Variants in LAMA3 observed in about 807,000 individuals in gnomAD.
LAMA3 encodes laminin subunit alpha 3, also known as laminin subunit alpha-3.
A neutral mutation model predicts 402.0 loss-of-function variants in LAMA3; 281 were observed. The ratio of observed to expected loss-of-function variants is 0.70; its 90% CI spans 0.63 to 0.77. The LOEUF (loss-of-function observed/expected upper bound fraction) is 0.77. LAMA3 is among the 30% of genes least tolerant of loss of function. LAMA3 has a pLI of 0.00. For missense variants in LAMA3, 3,840 were observed against 4,215.5 expected (o/e 0.91, Z 2.47); for synonymous variants, 1,431 against 1,558.4 (o/e 0.92, Z 1.93).
rs765582181 is a variant in LAMA3 at position 23,887,533 on chromosome 18, TA to T, written c.5304-2477del. On this transcript the variant is annotated intron_variant, in intron 41 of 74. Coordinates refer to ENST00000313654, the MANE Select transcript of LAMA3 (RefSeq NM_198129.4). ...CTGATGTCTCAAGAAAACAAGCTAT[TA>T]TTTCTTTAAAAAATTTTTTGAAGCT... Among the ~76,000 whole-genome samples the T allele has an allele frequency of 1.3e-3, 201 of 152,232 alleles. 5 individuals are homozygous for T. The highest frequency in any genetic ancestry group is 3.7e-4 in the Non-Finnish European group (25 of 68,040).
At chr18:23,927,409 T>A (rs570343345) in intron 62 of LAMA3, among the ~76,000 whole-genome samples, 2 of 152,266 alleles carry the variant, frequency 1.3e-5, no homozygotes, top group African/African-American at 4.8e-5. Flanking sequence ...CCTCAAGTGA[T>A]CCACCTGACT....
chr18:23,799,734 G>A (rs750538870), intron 12 of LAMA3, among the ~76,000 whole-genome samples: 2 of 151,460 alleles, frequency 1.3e-5, no homozygotes, highest in African/African-American at 2.5e-5. Context: ...GTGTGTGTAC[G>A]TATGGAGAGA....
intron 2 of LAMA3, among the ~76,000 whole-genome samples, chr18:23,745,145 T>C (rs1300823433): frequency 2.0e-5 from 3 of 151,994 alleles, no homozygotes; most frequent in Non-Finnish European, 2.9e-5. Flanking sequence ...TATTATGATG[T>C]CTGTAACTTC....
At chr18:23,697,012 G>T (rs921718024) in intron 1 of LAMA3, among the ~76,000 whole-genome samples, 6 of 152,196 alleles carry the variant, frequency 3.9e-5, no homozygotes, top group Non-Finnish European at 8.8e-5. Context: ...AGAACTGCCT[G>T]ACTAAATATG....
At chr18:23,815,599 C>A in intron 17 of LAMA3, 26 bp downstream of exon 17, 1 of 1,437,154 alleles carries the variant, frequency 7.0e-7, no homozygotes, top group Non-Finnish European at 9.8e-7. Flanking sequence ...GGGCCCTGAG[C>A]AAAGCACAGT....
rs954448746 is a variant in LAMA3 at position 23,946,162 on chromosome 18, G to A, written c.9229G>A (p.Gly3077Arg). The A allele has an allele frequency of 1.2e-6, 2 of 1,613,842 alleles. No homozygotes were observed. Among genetic ancestry groups the A allele is most frequent in the Non-Finnish European group, 1.7e-6 (2 of 1,179,888 alleles). Residue 3077 changes from glycine (G) to arginine (R), a missense_variant, in exon 70 of 75, where the codon GGG becomes AGG. By Grantham distance (125) the Gly-to-Arg change is moderately radical. This residue lies in a region of LAMA3 where 840 missense variants were observed against 981.9 expected (regional missense o/e 0.86). Coordinates refer to ENST00000313654, the MANE Select transcript of LAMA3 (RefSeq NM_198129.4). ...KWHTVVFGHDGEKGRLVVDGL... is the reference protein window; with the variant it reads ...KWHTVVFGHDREKGRLVVDGL... ...TCTGAAGGTGGTGTTTGGCCATGAT[G>A]GGGAAAAGGGGCGCTTGGTTGTGGA... is the stretch of plus-strand genomic sequence containing the variant.
intron 37 of LAMA3, among the ~76,000 whole-genome samples, chr18:23,871,203 C>T (rs1341081953): frequency 6.6e-6 from 1 of 152,122 alleles, no homozygotes; most frequent in Non-Finnish European, 1.5e-5. Context: ...ATTTTATTGC[C>T]CCTTATTCCC....
Position 23,882,060 on chromosome 18 carries a change from T to A in LAMA3, c.5222+15T>A, listed in dbSNP as rs781033532. 5.1e-6 allele frequency: 8 copies of A among 1,581,258 alleles called. No homozygotes were observed. In the South Asian group the frequency reaches 7.8e-5, roughly 15 times the overall value. On this transcript the variant is annotated intron_variant, in intron 40 of 74. Transcript: ENST00000313654. ...CACACTAACAGGTACCGTAGCAGCT[T>A]GACATAACCTACAGGGACCCAAAGT... is the stretch of plus-strand genomic sequence containing the variant.
Position 23,767,520 on chromosome 18 carries a change from A to T in LAMA3, c.1182+3997A>T, listed in dbSNP as rs190087498. ...CACACCTACAGCCATCTGATCTTCAACAAAGTTAACAAAAATAAGCAATGA... is the reference window on the plus strand; with the variant it reads ...CACACCTACAGCCATCTGATCTTCATCAAAGTTAACAAAAATAAGCAATGA... On this transcript the variant is annotated intron_variant, in intron 8 of 74. Transcript: ENST00000313654. Among the ~76,000 whole-genome samples the T allele has an allele frequency of 2.0e-3, 304 of 152,182 alleles. 1 individual carries two copies. The highest frequency in any genetic ancestry group is 7.1e-3 in the African/African-American group (295 of 41,550).
At chr18:23,880,146 G>A (rs1461716084) in intron 39 of LAMA3, among the ~76,000 whole-genome samples, 1 of 152,218 alleles carries the variant, frequency 6.6e-6, no homozygotes, top group Non-Finnish European at 1.5e-5. Context: ...TCACCCGTGA[G>A]AGGACTCCTC....
At chr18:23,908,025 G>A in intron 54 of LAMA3, 90 bp downstream of exon 54, 1 of 1,301,002 alleles carries the variant, frequency 7.7e-7, no homozygotes, top group Non-Finnish European at 1.1e-6. Context: ...GGTAAAGTCT[G>A]ATCTCAGAAA....
At chr18:23,753,646 T>C in intron 5 of LAMA3, 75 bp from the exon 6 acceptor site, 1 of 1,048,056 alleles carries the variant, frequency 9.5e-7, no homozygotes, top group Non-Finnish European at 1.5e-6. Context: ...GCAGCAGATG[T>C]GGGTTAAAGA....
intron 64 of LAMA3, among the ~76,000 whole-genome samples, chr18:23,929,923 G>A (rs2082114738): frequency 1.3e-5 from 2 of 152,204 alleles, no homozygotes. Context: ...CCTGGACAAT[G>A]GGGGAATCCT....
At chr18:23,738,142 G>A (rs2061506306) in intron 2 of LAMA3, among the ~76,000 whole-genome samples, 1 of 152,136 alleles carries the variant, frequency 6.6e-6, no homozygotes, top group African/African-American at 2.4e-5. Context: ...AACTGCAAGA[G>A]CAGAGGGGAG....
At chr18:23,717,796 C>G (rs573876378) in intron 2 of LAMA3, among the ~76,000 whole-genome samples, 5 of 145,388 alleles carry the variant, frequency 3.4e-5, no homozygotes, top group Non-Finnish European at 4.4e-5. Context: ...GTCTCGAACT[C>G]CTGACCTTGT....
At chr18:23,869,319 C>T (rs1420073706) in intron 37 of LAMA3, among the ~76,000 whole-genome samples, 2 of 152,198 alleles carry the variant, frequency 1.3e-5, no homozygotes, top group Non-Finnish European at 2.9e-5. Context: ...TGAAATTAAG[C>T]TGGCATTTAT....
chr18:23,894,486 A>C, intron 43 of LAMA3, 138 bp downstream of exon 43: 1 of 773,082 alleles, frequency 1.3e-6, no homozygotes, highest in Non-Finnish European at 2.3e-6. Flanking sequence ...CTTAGGGTCA[A>C]ATCAGCTTCT....
intron 38 of LAMA3, chr18:23,872,875 A>G (rs2064570060): frequency 1.4e-6 from 1 of 708,098 alleles, no homozygotes; most frequent in African/African-American, 1.7e-5. Context: ...CGGGACTGTT[A>G]TGTGCGCTCT....
Position 23,814,514 on chromosome 18 carries a change from A to G in LAMA3, c.1888+12A>G, listed in dbSNP as rs2063138768. On this transcript the variant is annotated intron_variant, in intron 15 of 74. Transcript: ENST00000313654. ...CAGTGGATGTTCAGGTAGGTTTCTT[A>G]TATGTCATAATTTACTATATTATAA... 6.0e-6 allele frequency: 9 copies of G among 1,506,620 alleles called. No individual in the cohort carries two copies. The highest frequency in any genetic ancestry group is 8.3e-6 in the Non-Finnish European group (9 of 1,082,318). 93.3% of individuals were successfully genotyped at this position (1,506,620 alleles called of 1,614,324 possible). A position where few individuals can be genotyped will look rare whatever the true frequency, so the allele number is the denominator to read the frequency against.
Sources: gnomAD v4.1 joint callset for allele counts (sites outside exome capture counted in the v4.1 genomes callset) on GRCh38, gnomAD v4.1.1 for gene constraint, gnomAD v4.1.1 regional missense constraint, MANE v1.5 for transcripts, NCBI Gene and HGNC (gene_info 2026-07-23, HGNC 2026-07-21) for gene names.